The following FOXN3 variants were observed in gnomAD, a reference collection of about 807,000 sequenced individuals.
FOXN3 encodes forkhead box N3.
A neutral mutation model predicts 38.4 loss-of-function variants in FOXN3; 7 were observed. The ratio of observed to expected loss-of-function variants is 0.18; its 90% confidence interval spans 0.10 to 0.34. FOXN3 has a LOEUF of 0.34. Ranked by LOEUF, FOXN3 falls within the 10% of genes least tolerant of loss-of-function variation. The probability of loss-of-function intolerance (pLI) is 1.00; values close to 1 mark genes in which losing one functional copy is unlikely to be tolerated. For synonymous variants in FOXN3, 230 were observed against 242.2 expected, an observed-to-expected ratio of 0.95 and a Z score of 0.47; for missense variants, 456 against 613.4, an observed-to-expected ratio of 0.74 and a Z score of 2.71.
chr14:89,391,141 C>T (rs1183551393), intron 2 of FOXN3, among the ~76,000 whole-genome samples: 5 of 152,122 alleles, frequency 3.3e-5, no homozygotes, highest in Admixed American at 2.0e-4. Flanking sequence ...ACCTTGAACC[C>T]AAGGAACAGT....
intron 1 of FOXN3, among the ~76,000 whole-genome samples, chr14:89,587,867 G>GAAA (rs11366681): frequency 7.4e-4 from 48 of 64,588 alleles, no homozygotes; most frequent in South Asian, 1.1e-3. Flanking sequence ...CTCTGTCTCA[G>GAAA]AAAAAAAAAA....
intron 4 of FOXN3, among the ~76,000 whole-genome samples, chr14:89,213,451 T>C: frequency 6.6e-6 from 1 of 152,186 alleles, no homozygotes. Context: ...AAGATGGGTT[T>C]TGAATCGGTC....
At chr14:89,328,884 T>C (rs1428266122) in intron 3 of FOXN3, among the ~76,000 whole-genome samples, 1 of 152,140 alleles carries the variant, frequency 6.6e-6, no homozygotes, top group Non-Finnish European at 1.5e-5. Context: ...AAGAGAAAGA[T>C]ATAAGACGTG....
At chr14:89,441,295 C>G (rs1566657415) in intron 1 of FOXN3, among the ~76,000 whole-genome samples, 2 of 152,116 alleles carry the variant, frequency 1.3e-5, no homozygotes, top group South Asian at 4.1e-4. Flanking sequence ...ACCAGTCTCT[C>G]CTGGAAAACC....
intron 4 of FOXN3, among the ~76,000 whole-genome samples, chr14:89,202,293 TAG>T (rs1028984391): frequency 6.6e-6 from 1 of 152,226 alleles, no homozygotes; most frequent in African/African-American, 2.4e-5. Context: ...CCTCTCATTA[TAG>T]AGACACAGGA....
chr14:89,331,096 G>C (rs753672199), intron 3 of FOXN3, among the ~76,000 whole-genome samples: 1 of 152,194 alleles, frequency 6.6e-6, no homozygotes, highest in Non-Finnish European at 1.5e-5. Flanking sequence ...TGTACATACA[G>C]TTCAGTGGCA....
At chr14:89,568,899 T>C (rs997199271) in intron 1 of FOXN3, among the ~76,000 whole-genome samples, 1 of 152,160 alleles carries the variant, frequency 6.6e-6, no homozygotes, top group Non-Finnish European at 1.5e-5. Context: ...AGTTGAGTTA[T>C]GATTATGTTT....
chr14:89,543,317 G>A (rs1459998880), intron 1 of FOXN3, among the ~76,000 whole-genome samples: 1 of 152,076 alleles, frequency 6.6e-6, no homozygotes, highest in African/African-American at 2.4e-5. Flanking sequence ...GCTTCCTTAG[G>A]GGCCAAGGAG....
chr14:89,344,534 T>C (rs141989234), intron 3 of FOXN3, among the ~76,000 whole-genome samples: 43 of 152,334 alleles, frequency 2.8e-4, no homozygotes, highest in African/African-American at 9.1e-4. Context: ...TTGGTGCCTA[T>C]AGCAGAGAAG....
chr14:89,177,612 G>A (rs959937833), intron 5 of FOXN3, among the ~76,000 whole-genome samples: 1 of 152,162 alleles, frequency 6.6e-6, no homozygotes, highest in Non-Finnish European at 1.5e-5. Context: ...CGCCACCAGG[G>A]GGTGCCATAG....
chr14:89,234,893 T>G (rs1341887930), intron 4 of FOXN3, among the ~76,000 whole-genome samples: 1 of 152,136 alleles, frequency 6.6e-6, no homozygotes, highest in African/African-American at 2.4e-5. Flanking sequence ...CATCCCCAGC[T>G]GTTGAAGTCT....
At chr14:89,378,543 A>G (rs948330982) in intron 2 of FOXN3, among the ~76,000 whole-genome samples, 3 of 152,242 alleles carry the variant, frequency 2.0e-5, no homozygotes, top group African/African-American at 7.2e-5. Flanking sequence ...TCTCCTTGAC[A>G]TAAAAGAAAC....
chr14:89,331,483 T>G (rs572769106), intron 3 of FOXN3, among the ~76,000 whole-genome samples: 130 of 109,284 alleles, frequency 1.2e-3, no homozygotes, highest in Non-Finnish European at 2.3e-3. Context: ...TCCCTGAGTG[T>G]TGCTTTTTAA....
At position 89,396,523 on chromosome 14, in the gene FOXN3, GCTGGACTGGAGCATCAAGAAGCCA is replaced by G. The variant is rs371894114; in HGVS notation, c.543+15387_543+15410del. 5.5e-3 allele frequency among the ~76,000 whole-genome samples: 832 copies of G among 152,332 alleles called. 9 individuals carry two copies. The highest frequency in any genetic ancestry group is 0.019 in the African/African-American group (792 of 41,562). On this transcript the variant is annotated intron_variant, in intron 2 of 5. Coordinates refer to ENST00000557258, the MANE Select transcript of FOXN3 (RefSeq NM_005197.4). Reference sequence around the variant, plus strand: ...ACATCAGTCAAATCCAGGTACAGATGCTGGACTGGAGCATCAAGAAGCCACTGCTGGCTGGGCACGGTGGCTCAT... The same window carrying G: ...ACATCAGTCAAATCCAGGTACAGATGCTGCTGGCTGGGCACGGTGGCTCAT...
At chr14:89,310,294 A>G (rs1266701509) in intron 3 of FOXN3, among the ~76,000 whole-genome samples, 1 of 152,208 alleles carries the variant, frequency 6.6e-6, no homozygotes, top group Non-Finnish European at 1.5e-5. Context: ...TCGGGCAGCC[A>G]TCCTGCCTCC....
In FOXN3 at chr14:89,583,751, G is replaced by T. The variant is rs982260956; in HGVS notation, c.-15+35277C>A. Among the ~76,000 whole-genome samples, 15 of 152,122 alleles carry T rather than the reference G, an allele frequency of 9.9e-5. No individual in the cohort carries two copies. The East Asian group carries it at 2.9e-3, about 29-fold the overall frequency. ...ATTTTTGTATTTTTAGTAGAGGCAGGGTTTCACCATGTTGGCCAGGCTGGT... is the reference window on the plus strand; with the variant it reads ...ATTTTTGTATTTTTAGTAGAGGCAGTGTTTCACCATGTTGGCCAGGCTGGT... On this transcript the variant is annotated intron_variant, in intron 1 of 6. Transcript: ENST00000345097.
At chr14:89,449,621 G>A (rs1316478566) in intron 1 of FOXN3, among the ~76,000 whole-genome samples, 3 of 152,220 alleles carry the variant, frequency 2.0e-5, no homozygotes, top group Non-Finnish European at 4.4e-5. Flanking sequence ...AAAATGCCAA[G>A]GTGACATTTG....
At chr14:89,562,012 TCTTTATA>T (rs1895258746) in intron 1 of FOXN3, among the ~76,000 whole-genome samples, 1 of 152,170 alleles carries the variant, frequency 6.6e-6, no homozygotes, top group African/African-American at 2.4e-5. Flanking sequence ...GGGATTTCTA[TCTTTATA>T]CCCACAGAGA....
chr14:89,452,559 C>CA (rs1445358201), intron 1 of FOXN3, among the ~76,000 whole-genome samples: 5 of 152,176 alleles, frequency 3.3e-5, no homozygotes, highest in Admixed American at 1.3e-4. Context: ...GGGGAAAGCC[C>CA]GTTTTGATGG....
Sources: allele counts gnomAD v4.1 joint callset (sites outside exome capture counted in the v4.1 genomes callset), GRCh38; gene constraint gnomAD v4.1.1; transcripts MANE v1.5; gene names NCBI Gene and HGNC (gene_info 2026-07-23, HGNC 2026-07-21).